Variants in DAW1 observed in about 807,000 individuals in gnomAD.
DAW1 encodes dynein assembly factor with WD repeats 1.
Under a neutral mutation model 56.5 loss-of-function variants are expected in DAW1, and 47 were observed. That is an observed-to-expected ratio of 0.83 (90% CI 0.66 to 1.06). DAW1 has a LOEUF of 1.06. Ranked by LOEUF, DAW1 falls within the 50% of genes least tolerant of loss-of-function variation. DAW1 has a pLI of 0.00. For missense variants in DAW1, 505 were observed against 499.3 expected, an observed-to-expected ratio of 1.01 and a Z score of -0.11; for synonymous variants, 190 against 179.0, an observed-to-expected ratio of 1.06 and a Z score of -0.49.
chr2:227,915,927 T>A (rs1691943605), intron 10 of DAW1, among the ~76,000 whole-genome samples: 1 of 152,156 alleles, frequency 6.6e-6, no homozygotes, highest in African/African-American at 2.4e-5. Flanking sequence ...TTTAGGACAA[T>A]TTATAATGCT....
At chr2:227,909,246 ATCTATC>A (rs1691760845) in intron 10 of DAW1, among the ~76,000 whole-genome samples, 1 of 139,322 alleles carries the variant, frequency 7.2e-6, no homozygotes, top group South Asian at 2.3e-4. Flanking sequence ...CTATCTATCT[ATCTATC>A]TATCTATCTA....
chr2:227,876,536 T>G, intron 1 of DAW1: 1 of 1,281,680 alleles, frequency 7.8e-7, no homozygotes, highest in Non-Finnish European at 1.0e-6. Flanking sequence ...GGAAAAATTA[T>G]TCCACTGAAT....
chr2:227,880,073 T>C (rs1368256779), intron 1 of DAW1, among the ~76,000 whole-genome samples: 1 of 152,194 alleles, frequency 6.6e-6, no homozygotes, highest in Non-Finnish European at 1.5e-5. Context: ...ATGTGTCTCC[T>C]CGTTTATCAC....
At chr2:227,882,833 C>T (rs1035650427) in intron 1 of DAW1, among the ~76,000 whole-genome samples, 2 of 152,148 alleles carry the variant, frequency 1.3e-5, no homozygotes, top group African/African-American at 4.8e-5. Flanking sequence ...CATTCTCTTC[C>T]TGCCACCTTG....
At chr2:227,898,447 A>G (rs1247986723) in intron 6 of DAW1, among the ~76,000 whole-genome samples, 166 bp downstream of exon 6, 1 of 151,878 alleles carries the variant, frequency 6.6e-6, no homozygotes, top group Non-Finnish European at 1.5e-5. Context: ...CAGCCTCCCG[A>G]GTAGCTGGGA....
intron 10 of DAW1, among the ~76,000 whole-genome samples, chr2:227,911,947 T>A (rs1011544346): frequency 6.6e-6 from 1 of 152,160 alleles, no homozygotes; most frequent in African/African-American, 2.4e-5. Flanking sequence ...GTGCCATCTC[T>A]CTGACACTTA....
At chr2:227,895,635 G>T (rs1425302077) in intron 5 of DAW1, 1 of 152,256 alleles carries the variant, frequency 6.6e-6, no homozygotes, top group African/African-American at 2.4e-5. Flanking sequence ...ACACTCAGTG[G>T]CCAGTCTCTG....
intron 5 of DAW1, among the ~76,000 whole-genome samples, chr2:227,895,327 TA>T (rs1349920120): frequency 6.6e-6 from 1 of 152,244 alleles, no homozygotes; most frequent in Non-Finnish European, 1.5e-5. Context: ...ATACCTTTTT[TA>T]GACAAGCAAG....
At chr2:227,914,159 T>C (rs1399624196) in intron 10 of DAW1, among the ~76,000 whole-genome samples, 1 of 152,092 alleles carries the variant, frequency 6.6e-6, no homozygotes, top group Non-Finnish European at 1.5e-5. Context: ...CTGTACTATG[T>C]CTGCACCACC....
At chr2:227,910,086 T>G (rs77470818) in intron 10 of DAW1, among the ~76,000 whole-genome samples, 1,862 of 152,324 alleles carry the variant, frequency 0.012, 37 homozygotes, top group African/African-American at 0.037. Context: ...TATGCGTACC[T>G]TATTCTTTGA....
intron 6 of DAW1, among the ~76,000 whole-genome samples, chr2:227,898,748 A>C (rs1691470872): frequency 6.6e-6 from 1 of 152,154 alleles, no homozygotes; most frequent in South Asian, 2.1e-4. Context: ...TGGTGGTACC[A>C]ATACAATTTA....
chr2:227,903,171 A>C, intron 7 of DAW1, 62 bp downstream of exon 7: 1 of 1,548,560 alleles, frequency 6.5e-7, no homozygotes. Context: ...TTTTTGTTAC[A>C]AAATGAGCTC....
intron 10 of DAW1, 55 bp downstream of exon 10, chr2:227,907,307 A>G (rs1032219013): frequency 2.1e-6 from 3 of 1,417,408 alleles, no homozygotes; most frequent in Non-Finnish European, 2.9e-6. Context: ...TTTGCTTGAT[A>G]ACCATGCATA....
rs61488173 is a variant in DAW1 at position 227,878,809 on chromosome 2, A to AT, written c.41-6525dup. Among the ~76,000 whole-genome samples, 592 of 138,104 alleles carry AT rather than the reference A, an allele frequency of 4.3e-3. 5 individuals carry two copies. The highest frequency in any genetic ancestry group is 0.015 in the Middle Eastern group (4 of 266). 90.6% of individuals were successfully genotyped at this position (138,104 alleles called of 152,430 possible). ...CTCTTACTTTTTAAATTTAAATTTA[A>AT]TTTTTTTTTTTTTTTTTGCCCAGGG... On this transcript the variant is annotated intron_variant, in intron 1 of 12. Coordinates refer to ENST00000309931, the MANE Select transcript of DAW1 (RefSeq NM_178821.3).
chr2:227,898,261 AG>A lies in DAW1; in HGVS notation c.524del (p.Gly175ValfsTer6), dbSNP rs1559307963. The A allele has an allele frequency of 6.4e-7, 1 of 1,559,412 alleles. No homozygotes were observed. Among genetic ancestry groups the A allele is most frequent in the South Asian group, 1.3e-5 (1 of 79,410 alleles). ...AACAGGAAAATGTTACCATACCTTC[AG>A]GGGTCATACAGCAGAAATAGTGAGT... ...VETGKCYHTF[R>X]GHTAEIVCLS... On this transcript the variant is annotated frameshift_variant, in exon 6 of 13. Transcript: ENST00000309931. LOFTEE classifies it high-confidence loss of function.
intron 1 of DAW1, among the ~76,000 whole-genome samples, chr2:227,874,310 A>G (rs971585341): frequency 1.3e-5 from 2 of 152,130 alleles, no homozygotes; most frequent in African/African-American, 2.4e-5. Flanking sequence ...GGTCTACTAG[A>G]CCCTTCCAGC....
At chr2:227,889,679 T>A (rs935886158) in intron 2 of DAW1, 177 bp from the exon 3 acceptor site, 6 of 448,736 alleles carry the variant, frequency 1.3e-5, no homozygotes, top group Non-Finnish European at 2.4e-5. Context: ...ATCATCTATT[T>A]ACTGATTTGT....
At chr2:227,898,645 T>C (rs1691468710) in intron 6 of DAW1, among the ~76,000 whole-genome samples, 1 of 152,148 alleles carries the variant, frequency 6.6e-6, no homozygotes, top group South Asian at 2.1e-4. Context: ...ATGTTGCTGT[T>C]TCTTTTTAGG....
At chr2:227,919,257 G>T (rs1373508095) in intron 11 of DAW1, among the ~76,000 whole-genome samples, 1 of 148,068 alleles carries the variant, frequency 6.8e-6, no homozygotes, top group Non-Finnish European at 1.5e-5. Context: ...TATTGGAATT[G>T]AAGTACTAAG....
Sources: allele counts gnomAD v4.1 joint callset (sites outside exome capture counted in the v4.1 genomes callset), GRCh38; gene constraint gnomAD v4.1.1; transcripts MANE v1.5; gene names NCBI Gene and HGNC (gene_info 2026-07-23, HGNC 2026-07-21).